Variants in ARL6IP6 observed in about 807,000 individuals in gnomAD.
ARL6IP6 encodes ARF like GTPase 6 interacting protein 6, also known as ADP-ribosylation factor-like protein 6-interacting protein 6.
A neutral mutation model predicts 21.5 loss-of-function variants in ARL6IP6; 22 were observed. That is an observed-to-expected ratio of 1.02 (90% CI 0.73 to 1.46). The LOEUF is 1.46. Among genes scored for constraint, ARL6IP6 ranks in the 40% most tolerant of loss-of-function variants. The pLI is 0.00. For synonymous variants in ARL6IP6, 164 were observed against 125.3 expected (o/e 1.31, Z -2.06); for missense variants, 388 against 299.8 (o/e 1.29, Z -2.17).
chr2:152,740,969 G>C (rs903185279), intron 3 of ARL6IP6, among the ~76,000 whole-genome samples: 2 of 152,076 alleles, frequency 1.3e-5, no homozygotes, highest in Non-Finnish European at 2.9e-5. Context: ...GTGAGTCCTT[G>C]TACAGGGAAA....
chr2:152,750,553 C>T (rs1485654062), intron 3 of ARL6IP6, among the ~76,000 whole-genome samples: 10 of 151,320 alleles, frequency 6.6e-5, no homozygotes, highest in African/African-American at 1.7e-4. Context: ...GAAATAGAAG[C>T]GACCTTAGGT....
chr2:152,731,720 T>G (rs1197068793), intron 2 of ARL6IP6, among the ~76,000 whole-genome samples: 2 of 152,000 alleles, frequency 1.3e-5, no homozygotes, highest in Non-Finnish European at 2.9e-5. Context: ...GGCTTACTCT[T>G]TTCTCCCAAC....
rs144942827 is a variant in ARL6IP6, at chr2:152,718,871, C to G, written c.247C>G (p.Leu83Val). 2.5e-6 allele frequency: 4 copies of G among 1,613,762 alleles called. No homozygotes were observed. The highest frequency in any genetic ancestry group is 3.4e-6 in the Non-Finnish European group (4 of 1,179,822). The change falls in exon 1 of 4, where the codon CTG becomes GTG. Residue 83 changes from leucine to valine, a missense_variant. By Grantham distance (32) the Leu-to-Val change is conservative. Coordinates refer to ENST00000326446, the MANE Select transcript of ARL6IP6 (RefSeq NM_152522.7). ...LPPDGNGSPV[L>V]PDKRNGIFPA... The stretch of plus-strand genomic sequence containing the variant: ...GCCGGACGGGAACGGGTCGCCCGTT[C>G]TGCCCGATAAGCGCAATGGTATCTT...
rs1241149235 is a variant in ARL6IP6, at chr2:152,743,447, A to G, written c.587+8321A>G. ...ACAGTAGGACATTAACATTGTAGGA[A>G]TGTAAAACAACCTGGGGATTCCAAA... On this transcript the variant is annotated intron_variant, in intron 3 of 3. Coordinates refer to ENST00000326446, the MANE Select transcript of ARL6IP6 (RefSeq NM_152522.7). Among the ~76,000 whole-genome samples, 4 of 152,344 alleles carry G rather than the reference A, an allele frequency of 2.6e-5. No homozygotes were observed. In the East Asian group the frequency reaches 7.7e-4, roughly 29 times the overall value.
chr2:152,751,274 C>A (rs1701317725), intron 3 of ARL6IP6, among the ~76,000 whole-genome samples: 1 of 152,134 alleles, frequency 6.6e-6, no homozygotes, highest in Admixed American at 6.5e-5. Flanking sequence ...TAGTCCCATA[C>A]AATGTGTAAT....
intron 3 of ARL6IP6, among the ~76,000 whole-genome samples, chr2:152,751,151 T>A (rs1701308945): frequency 6.6e-6 from 1 of 152,196 alleles, no homozygotes; most frequent in Admixed American, 6.5e-5. Flanking sequence ...GTAGTTTTAC[T>A]TGAATGGAAA....
chr2:152,751,405 A>G (rs1374739519), intron 3 of ARL6IP6, among the ~76,000 whole-genome samples: 1 of 152,188 alleles, frequency 6.6e-6, no homozygotes, highest in African/African-American at 2.4e-5. Context: ...ACTGTTAACC[A>G]TATTTACCCT....
intron 3 of ARL6IP6, 29 bp from the exon 4 acceptor site, chr2:152,759,718 T>A: frequency 6.3e-7 from 1 of 1,582,598 alleles, no homozygotes; most frequent in Non-Finnish European, 8.7e-7. Context: ...CATTTTTCTT[T>A]TTTGATTTGT....
chr2:152,751,225 A>G (rs961632663), intron 3 of ARL6IP6, among the ~76,000 whole-genome samples: 1 of 152,194 alleles, frequency 6.6e-6, no homozygotes, highest in Non-Finnish European at 1.5e-5. Context: ...TAGTTGACAC[A>G]TAATAATCAT....
intron 2 of ARL6IP6, among the ~76,000 whole-genome samples, chr2:152,722,992 A>G (rs77130114): frequency 1.7e-3 from 256 of 152,336 alleles, no homozygotes; most frequent in African/African-American, 5.0e-3. Context: ...CAAGAAAAAT[A>G]CAAGTTAGCC....
chr2:152,740,457 T>C (rs1298501242), intron 3 of ARL6IP6, among the ~76,000 whole-genome samples: 1 of 152,046 alleles, frequency 6.6e-6, no homozygotes, highest in Non-Finnish European at 1.5e-5. Context: ...TATGTACTTA[T>C]TAATAAATCT....
chr2:152,757,850 G>C (rs1701659489), intron 3 of ARL6IP6, among the ~76,000 whole-genome samples: 1 of 152,170 alleles, frequency 6.6e-6, no homozygotes, highest in African/African-American at 2.4e-5. Flanking sequence ...TGCCTGCTTA[G>C]TAAGGAAGTC....
At chr2:152,734,836 C>T (rs1388734947) in intron 2 of ARL6IP6, among the ~76,000 whole-genome samples, 158 bp from the exon 3 acceptor site, 1 of 152,156 alleles carries the variant, frequency 6.6e-6, no homozygotes, top group Non-Finnish European at 1.5e-5. Flanking sequence ...CTTATTTCTA[C>T]ATAAGTTAGC....
In ARL6IP6 at chr2:152,742,570, TAAAAAAAAAAAA is replaced by T. The variant is rs71396304; in HGVS notation, c.587+7456_587+7467del. On this transcript the variant is annotated intron_variant, in intron 3 of 3. Coordinates refer to ENST00000326446, the MANE Select transcript of ARL6IP6 (RefSeq NM_152522.7). ...CAGTGACAGAGCAAGATACGCTCTT[TAAAAAAAAAAAA>T]AAAAAAAAAAAGAACTTTGGGGTTC... is the stretch of plus-strand genomic sequence containing the variant. Among the ~76,000 whole-genome samples the T allele has an allele frequency of 5.2e-5, 6 of 115,988 alleles. No individual in the cohort carries two copies. In the East Asian group the frequency reaches 1.0e-3, roughly 19 times the overall value. The allele number at this position is 115,988 out of a possible 152,430, so 76.1% of individuals were successfully genotyped here.
chr2:152,731,442 T>C (rs1700306705), intron 2 of ARL6IP6, among the ~76,000 whole-genome samples: 1 of 152,202 alleles, frequency 6.6e-6, no homozygotes, highest in Non-Finnish European at 1.5e-5. Context: ...TCAGGAAATT[T>C]GATAATTCGT....
chr2:152,727,367 T>G lies in ARL6IP6; in HGVS notation c.454+6781T>G, dbSNP rs566872869. On this transcript the variant is annotated intron_variant, in intron 2 of 3. Transcript: ENST00000326446. ...TAGTAGAAAAGGGTAAAGTTAAATTTTAAAATTTATAAAGTAAGAAAGTTA... is the reference window on the plus strand; with the variant it reads ...TAGTAGAAAAGGGTAAAGTTAAATTGTAAAATTTATAAAGTAAGAAAGTTA... 1.4e-3 allele frequency among the ~76,000 whole-genome samples: 215 copies of G among 152,336 alleles called. 1 individual carries two copies. The highest frequency in any genetic ancestry group is 2.3e-3 in the Non-Finnish European group (157 of 68,026).
chr2:152,761,357 C>T lies in ARL6IP6; in HGVS notation c.*1517C>T, dbSNP rs548815688. ...TTCACTCCCTGCCTTCCTTCCTGCA[C>T]GCTTAAACTCTTCACCCTTTGACTC... On this transcript the variant is annotated 3_prime_UTR_variant, in exon 4 of 4. Transcript: ENST00000326446. The T allele has an allele frequency of 1.1e-4, 17 of 152,212 alleles. No individual in the cohort carries two copies. The highest frequency in any genetic ancestry group is 4.1e-4 in the South Asian group (2 of 4,824). 9.4% of individuals were successfully genotyped at this position (152,212 alleles called of 1,614,324 possible).
chr2:152,752,088 A>G (rs1004932153), intron 3 of ARL6IP6, among the ~76,000 whole-genome samples: 1 of 152,190 alleles, frequency 6.6e-6, no homozygotes, highest in African/African-American at 2.4e-5. Context: ...GATCAGGCTT[A>G]TTCTTCTGGG....
At chr2:152,724,899 A>T (rs984617016) in intron 2 of ARL6IP6, among the ~76,000 whole-genome samples, 12 of 17,582 alleles carry the variant, frequency 6.8e-4, no homozygotes, top group South Asian at 3.3e-3. Flanking sequence ...ACCTGACATA[A>T]AAAAAAAAGC....
Sources: gnomAD v4.1 joint callset for allele counts (sites outside exome capture counted in the v4.1 genomes callset) on GRCh38, gnomAD v4.1.1 for gene constraint, MANE v1.5 for transcripts, NCBI Gene and HGNC (gene_info 2026-07-23, HGNC 2026-07-21) for gene names.